Variants in ENOX1 observed in about 807,000 individuals in gnomAD.
ENOX1 encodes ecto-NOX disulfide-thiol exchanger 1, also known as candidate growth-related and time keeping constitutive hydroquinone (NADH) oxidase.
Under a neutral mutation model 82.5 loss-of-function variants are expected in ENOX1, and 42 were observed. The ratio of observed to expected loss-of-function variants is 0.51; its 90% confidence interval spans 0.40 to 0.66. ENOX1 has a LOEUF of 0.66. Ranked by LOEUF, ENOX1 falls within the 30% of genes least tolerant of loss-of-function variation. The pLI, the probability that ENOX1 is intolerant of heterozygous loss-of-function variation, is 0.00. For synonymous variants in ENOX1, 271 were observed against 282.2 expected (o/e 0.96, Z 0.40); for missense variants, 608 against 811.6 (o/e 0.75, Z 3.05).
At chr13:43,779,869 G>A (rs1952150595) in intron 1 of ENOX1, among the ~76,000 whole-genome samples, 1 of 152,110 alleles carries the variant, frequency 6.6e-6, no homozygotes, top group Non-Finnish European at 1.5e-5. Flanking sequence ...TTAGGAATCT[G>A]CATGAGGCCG....
chr13:43,389,763 T>C (rs1032627268), intron 5 of ENOX1, among the ~76,000 whole-genome samples: 3 of 152,198 alleles, frequency 2.0e-5, no homozygotes, highest in Non-Finnish European at 4.4e-5. Flanking sequence ...CTGGTTGGAA[T>C]TTCACAAGGC....
At chr13:43,697,408 G>A (rs1594452561) in intron 1 of ENOX1, among the ~76,000 whole-genome samples, 1 of 152,190 alleles carries the variant, frequency 6.6e-6, no homozygotes, top group Admixed American at 6.5e-5. Context: ...GCAAGGGCTT[G>A]GGAAACTGAC....
intron 1 of ENOX1, among the ~76,000 whole-genome samples, chr13:43,716,606 A>C (rs1477058085): frequency 1.3e-5 from 2 of 152,202 alleles, no homozygotes; most frequent in Non-Finnish European, 2.9e-5. Flanking sequence ...CTCTTTGCTG[A>C]CAATATAATT....
intron 8 of ENOX1, among the ~76,000 whole-genome samples, chr13:43,349,194 T>C (rs1594079372): frequency 6.6e-6 from 1 of 152,220 alleles, no homozygotes; most frequent in East Asian, 1.9e-4. Flanking sequence ...GAGATAGATG[T>C]TCTCATGACA....
intron 2 of ENOX1, among the ~76,000 whole-genome samples, chr13:43,551,011 A>G (rs952893511): frequency 7.2e-5 from 11 of 152,194 alleles, no homozygotes; most frequent in Non-Finnish European, 1.6e-4. Flanking sequence ...TCCCAGTAAC[A>G]TCTTTCAAAT....
chr13:43,754,548 G>A (rs528662556), intron 1 of ENOX1, among the ~76,000 whole-genome samples: 26 of 150,426 alleles, frequency 1.7e-4, no homozygotes, highest in Non-Finnish European at 3.4e-4. Flanking sequence ...GACTAGGTTG[G>A]TCTCGAACTC....
intron 3 of ENOX1, among the ~76,000 whole-genome samples, chr13:43,438,267 G>T (rs929671636): frequency 6.6e-6 from 1 of 152,248 alleles, no homozygotes. Flanking sequence ...AGCTCTACAG[G>T]AAGACAAGCC....
intron 2 of ENOX1, among the ~76,000 whole-genome samples, chr13:43,485,242 C>G (rs1056945033): frequency 1.3e-5 from 2 of 152,184 alleles, no homozygotes; most frequent in Non-Finnish European, 2.9e-5. Flanking sequence ...CAGAGACCCC[C>G]TGCAACTTAC....
At chr13:43,561,139 C>T (rs552468990) in intron 2 of ENOX1, among the ~76,000 whole-genome samples, 1 of 152,096 alleles carries the variant, frequency 6.6e-6, no homozygotes, top group African/African-American at 2.4e-5. Flanking sequence ...AATATTCCTG[C>T]TTCACAGTGA....
chr13:43,459,984 ACT>A (rs1239469426), intron 3 of ENOX1, among the ~76,000 whole-genome samples: 1 of 152,124 alleles, frequency 6.6e-6, no homozygotes, highest in East Asian at 1.9e-4. Context: ...ACAAAGCGAG[ACT>A]CTGTCTCAAA....
intron 1 of ENOX1, among the ~76,000 whole-genome samples, chr13:43,677,357 G>A (rs984361798): frequency 6.6e-6 from 1 of 152,118 alleles, no homozygotes; most frequent in Admixed American, 6.6e-5. Context: ...AATGGGTCAG[G>A]AACAAGCAAA....
intron 5 of ENOX1, among the ~76,000 whole-genome samples, chr13:43,362,629 C>T (rs1566607140): frequency 6.6e-6 from 1 of 152,142 alleles, no homozygotes; most frequent in African/African-American, 2.4e-5. Context: ...TCACTCTTCG[C>T]TTACCTGTGC....
chr13:43,680,212 C>T (rs2085714998), intron 1 of ENOX1, among the ~76,000 whole-genome samples: 1 of 152,138 alleles, frequency 6.6e-6, no homozygotes, highest in Non-Finnish European at 1.5e-5. Flanking sequence ...TATGGTTTAA[C>T]TGTATTAAAA....
chr13:43,285,827 AAAAAAG>A (rs1171509242), intron 12 of ENOX1, among the ~76,000 whole-genome samples: 4 of 151,254 alleles, frequency 2.6e-5, no homozygotes, highest in Non-Finnish European at 5.9e-5. Flanking sequence ...AAAAAAAAAA[AAAAAAG>A]AGGAATTCCC....
At chr13:43,771,933 ATTTTTTTT>A (rs34718451) in intron 1 of ENOX1, among the ~76,000 whole-genome samples, 1 of 100,970 alleles carries the variant, frequency 9.9e-6, no homozygotes, top group Middle Eastern at 6.8e-3. Context: ...CGCCCGGCTA[ATTTTTTTT>A]TTTTTTTTTT....
chr13:43,470,299 T>C lies in ENOX1; in HGVS notation c.-75+13710A>G, dbSNP rs1464274473. Among the ~76,000 whole-genome samples the C allele has an allele frequency of 1.8e-3, 88 of 49,086 alleles. 9 individuals carry two copies. The Middle Eastern group carries it at 0.027, about 15-fold the overall frequency. 32.2% of individuals were successfully genotyped at this position (49,086 alleles called of 152,430 possible). A position where few individuals can be genotyped will look rare whatever the true frequency, so the allele number is the denominator to read the frequency against. On this transcript the variant is annotated intron_variant, in intron 3 of 16. Coordinates refer to ENST00000690772, the MANE Select transcript of ENOX1 (RefSeq NM_001347969.2). ...ATATATATACATATATATATACACA[T>C]ATATATACATATATATACACATATA...
chr13:43,715,796 G>A (rs1051163945), intron 1 of ENOX1, among the ~76,000 whole-genome samples: 17 of 151,868 alleles, frequency 1.1e-4, no homozygotes, highest in African/African-American at 2.7e-4. Flanking sequence ...CGTAGTTCTC[G>A]AGCCTTGGCT....
intron 2 of ENOX1, among the ~76,000 whole-genome samples, chr13:43,647,525 A>G (rs1280679814): frequency 6.6e-6 from 1 of 152,174 alleles, no homozygotes; most frequent in Non-Finnish European, 1.5e-5. Context: ...AATTATCAAG[A>G]AGAATGTGAC....
chr13:43,771,482 TA>T (rs66565158), intron 1 of ENOX1, among the ~76,000 whole-genome samples: 12,019 of 151,992 alleles, frequency 0.079, 728 homozygotes, highest in African/African-American at 0.16. Flanking sequence ...GTTCTACAAT[TA>T]TAACTTAATT....
Sources: allele counts gnomAD v4.1 joint callset (sites outside exome capture counted in the v4.1 genomes callset), GRCh38; gene constraint gnomAD v4.1.1; transcripts MANE v1.5; gene names NCBI Gene and HGNC (gene_info 2026-07-23, HGNC 2026-07-21).